The following JARID2 variants were observed in gnomAD, a reference collection of about 807,000 sequenced individuals.
JARID2 encodes the protein protein Jumonji.
Under a neutral mutation model 125.6 loss-of-function variants are expected in JARID2, and 21 were observed. That is an observed-to-expected ratio of 0.17 (90% CI 0.12 to 0.24). The LOEUF (loss-of-function observed/expected upper bound fraction) is 0.24. JARID2 is among the 10% of genes least tolerant of loss of function. The pLI is 1.00. For missense variants in JARID2, 1,303 were observed against 1,639.6 expected, an observed-to-expected ratio of 0.79 and a Z score of 3.55; for synonymous variants, 736 against 661.6, an observed-to-expected ratio of 1.11 and a Z score of -1.73.
At chr6:15,332,249 A>G (rs990771578) in intron 1 of JARID2, among the ~76,000 whole-genome samples, 1 of 152,216 alleles carries the variant, frequency 6.6e-6, no homozygotes, top group Non-Finnish European at 1.5e-5. Context: ...CTGTGAGAAA[A>G]ACCAAATTAG....
At chr6:15,342,888 C>G (rs1265685723) in intron 1 of JARID2, among the ~76,000 whole-genome samples, 1 of 152,094 alleles carries the variant, frequency 6.6e-6, no homozygotes, top group Non-Finnish European at 1.5e-5. Context: ...TTGAAGACGC[C>G]TTTACTGAGT....
chr6:15,261,579 CA>C (rs1759880019), intron 1 of JARID2, among the ~76,000 whole-genome samples: 1 of 152,096 alleles, frequency 6.6e-6, no homozygotes, highest in African/African-American at 2.4e-5. Flanking sequence ...CTTGGCCTCC[CA>C]AAGTGCTGGG....
intron 2 of JARID2, among the ~76,000 whole-genome samples, chr6:15,388,891 G>A (rs998791321): frequency 1.3e-5 from 2 of 152,076 alleles, no homozygotes; most frequent in Admixed American, 1.3e-4. Flanking sequence ...TTGTCTTCCT[G>A]TGTGATCTGC....
At chr6:15,263,549 G>A (rs184861909) in intron 1 of JARID2, among the ~76,000 whole-genome samples, 20 of 151,586 alleles carry the variant, frequency 1.3e-4, no homozygotes, top group Admixed American at 1.2e-3. Flanking sequence ...TCCCCAAGTT[G>A]GTGTGAAATT....
chr6:15,353,125 A>G (rs556887326), intron 1 of JARID2, among the ~76,000 whole-genome samples: 2 of 152,262 alleles, frequency 1.3e-5, no homozygotes, highest in Admixed American at 1.3e-4. Flanking sequence ...TAGCCTTTTG[A>G]GTATTTTTCA....
In JARID2 at chr6:15,487,499, A is replaced by G. The variant is rs1275003205; in HGVS notation, c.863A>G (p.His288Arg). Residue 288 changes from histidine to arginine, a missense_variant, in exon 6 of 18, where the codon CAC becomes CGC. Physicochemically the swap from His to Arg is conservative, Grantham distance 29. Around this residue, in one of 11 missense-constraint regions of JARID2, gnomAD observed 651 missense variants for 581.6 expected, o/e 1.12. Coordinates refer to ENST00000341776, the MANE Select transcript of JARID2 (RefSeq NM_004973.4). ...GCCAAGGGGCTTGCTGCCACCCATC[A>G]CCACCCCCCTCTGCATCGGTCGGCT... ...SSAKGLAATH[H>R]HPPLHRSAQD... The G allele has an allele frequency of 6.2e-7, 1 of 1,613,832 alleles. No homozygotes were observed. The highest frequency in any genetic ancestry group is 2.2e-5 in the East Asian group (1 of 44,866).
chr6:15,448,103 G>T (rs1767754077), intron 3 of JARID2, among the ~76,000 whole-genome samples: 1 of 152,086 alleles, frequency 6.6e-6, no homozygotes, highest in Non-Finnish European at 1.5e-5. Context: ...AGGTTCTTCT[G>T]GCCTCTTTAT....
In JARID2 at chr6:15,487,546, A is replaced by T. The variant is rs765596250; in HGVS notation, c.906+4A>T. On this transcript the variant is annotated splice_donor_region_variant and intron_variant, in intron 6 of 17. Coordinates refer to ENST00000341776, the MANE Select transcript of JARID2 (RefSeq NM_004973.4). The stretch of plus-strand genomic sequence containing the variant: ...GGCTCAGGACTTACGGAAACAGGTA[A>T]AGTCCAGCAGGGGTGCCTACATGTG... The T allele has an allele frequency of 6.3e-7, 1 of 1,597,884 alleles. No individual in the cohort carries two copies. The highest frequency in any genetic ancestry group is 8.6e-7 in the Non-Finnish European group (1 of 1,168,992).
chr6:15,263,231 C>T (rs952160389), intron 1 of JARID2, among the ~76,000 whole-genome samples: 1 of 151,968 alleles, frequency 6.6e-6, no homozygotes, highest in African/African-American at 2.4e-5. Context: ...GTCACACGTG[C>T]TTGTGCTGGA....
At chr6:15,371,860 G>A (rs917532385) in intron 1 of JARID2, among the ~76,000 whole-genome samples, 1 of 152,128 alleles carries the variant, frequency 6.6e-6, no homozygotes, top group Admixed American at 6.5e-5. Flanking sequence ...TTGGGAGAGC[G>A]GACAGGAAGA....
At chr6:15,423,744 G>C (rs1766602193) in intron 3 of JARID2, among the ~76,000 whole-genome samples, 1 of 152,172 alleles carries the variant, frequency 6.6e-6, no homozygotes, top group Non-Finnish European at 1.5e-5. Flanking sequence ...TGCTGGAGAA[G>C]CTTGTCACTT....
intron 1 of JARID2, chr6:15,314,901 T>C (rs1472147401): frequency 6.6e-6 from 1 of 152,222 alleles, no homozygotes; most frequent in African/African-American, 2.4e-5. Flanking sequence ...TAGAAAAGCC[T>C]TTCAGAAGAT....
intron 8 of JARID2, among the ~76,000 whole-genome samples, chr6:15,503,693 G>A (rs1365186941): frequency 6.6e-6 from 1 of 152,172 alleles, no homozygotes; most frequent in Non-Finnish European, 1.5e-5. Flanking sequence ...TACACCATAG[G>A]TGCTCAGGAG....
chr6:15,400,804 C>T (rs755385113), intron 2 of JARID2: 462 of 1,243,666 alleles, frequency 3.7e-4, no homozygotes, highest in Non-Finnish European at 4.6e-4. Flanking sequence ...GTCCTATTGC[C>T]GCGCGGAATC....
At chr6:15,443,719 AGAG>A (rs1277875840) in intron 3 of JARID2, among the ~76,000 whole-genome samples, 1 of 152,152 alleles carries the variant, frequency 6.6e-6, no homozygotes, top group African/African-American at 2.4e-5. Flanking sequence ...TGTTTTTTTA[AGAG>A]GAGGTCAAAG....
intron 1 of JARID2, among the ~76,000 whole-genome samples, chr6:15,258,200 C>A (rs927562063): frequency 6.6e-6 from 1 of 152,118 alleles, no homozygotes; most frequent in East Asian, 1.9e-4. Context: ...TGGTTGCTTA[C>A]CATGTTCTGA....
chr6:15,509,943 C>T (rs1022693614), intron 12 of JARID2, among the ~76,000 whole-genome samples: 1 of 152,138 alleles, frequency 6.6e-6, no homozygotes, highest in Non-Finnish European at 1.5e-5. Context: ...GTTAGAAACC[C>T]TGTATTTAAA....
chr6:15,468,848 T>A, intron 5 of JARID2, 130 bp downstream of exon 5: 1 of 813,982 alleles, frequency 1.2e-6, no homozygotes, highest in East Asian at 2.6e-5. Flanking sequence ...GGCCAGACAC[T>A]TCATGGGCAA....
chr6:15,460,863 C>A (rs1581595959), intron 4 of JARID2, among the ~76,000 whole-genome samples: 1 of 152,178 alleles, frequency 6.6e-6, no homozygotes, highest in African/African-American at 2.4e-5. Context: ...CCCCACCACA[C>A]CCAGCTAATT....
Sources: allele counts gnomAD v4.1 joint callset (sites outside exome capture counted in the v4.1 genomes callset), GRCh38; gene constraint gnomAD v4.1.1; regional missense constraint gnomAD v4.1.1; transcripts MANE v1.5; gene names NCBI Gene and HGNC (gene_info 2026-07-23, HGNC 2026-07-21).